Variants in DOCK7 observed in about 807,000 individuals in gnomAD.
DOCK7 encodes the protein dedicator of cytokinesis protein 7.
In DOCK7, 138 loss-of-function variants were observed where a neutral mutation model predicts 271.0. The observed-to-expected ratio is 0.51, with a 90% CI of 0.44 to 0.59. DOCK7 has a LOEUF of 0.59. DOCK7 is among the 20% of genes least tolerant of loss of function. DOCK7 has a pLI of 0.00. For synonymous variants in DOCK7, 823 were observed against 876.1 expected, an observed-to-expected ratio of 0.94 and a Z score of 1.07; for missense variants, 2,066 against 2,592.4, an observed-to-expected ratio of 0.80 and a Z score of 4.41.
At chr1:62,655,588 C>T (rs1657921589) in intron 2 of DOCK7, among the ~76,000 whole-genome samples, 1 of 152,190 alleles carries the variant, frequency 6.6e-6, no homozygotes, top group South Asian at 2.1e-4. Flanking sequence ...CCATGCCTCA[C>T]TAATTTTTGT....
At chr1:62,568,703 A>T (rs1393881360) in intron 18 of DOCK7, among the ~76,000 whole-genome samples, 2 of 151,366 alleles carry the variant, frequency 1.3e-5, no homozygotes, top group Non-Finnish European at 2.9e-5. Context: ...CAACAACAAA[A>T]AACCCAAAGC....
Position 62,578,859 on chromosome 1 carries a change from TTTTG to T in DOCK7, c.1975_1978del (p.Gln659IlefsTer21). 6.2e-7 allele frequency: 1 copy of T among 1,607,674 alleles called. No individual in the cohort carries two copies. Among genetic ancestry groups the T allele is most frequent in the Non-Finnish European group, 8.5e-7 (1 of 1,178,012 alleles). ...TCCAACTGGTGTTTCAAGAGGAGTA[TTTTG>T]TTTTTGTTGACAACTAACATGATAA... On this transcript the variant is annotated frameshift_variant, in exon 17 of 50. Transcript: ENST00000635253. LOFTEE classifies it high-confidence loss of function.
chr1:62,499,252 G>A (rs1646710581), intron 37 of DOCK7, among the ~76,000 whole-genome samples: 1 of 152,160 alleles, frequency 6.6e-6, no homozygotes, highest in South Asian at 2.1e-4. Context: ...AACAAAGTAA[G>A]ATCAATAAAG....
At chr1:62,678,578 A>G (rs1282625842) in intron 1 of DOCK7, among the ~76,000 whole-genome samples, 1 of 152,190 alleles carries the variant, frequency 6.6e-6, no homozygotes. Context: ...CCCCTGAATT[A>G]ACATATAGAT....
intron 22 of DOCK7, among the ~76,000 whole-genome samples, 192 bp from the exon 23 acceptor site, chr1:62,545,231 A>T (rs898500581): frequency 9.9e-5 from 15 of 152,182 alleles, no homozygotes; most frequent in South Asian, 8.3e-4. Flanking sequence ...ACACAATTTT[A>T]AAAAAAATCA....
intron 7 of DOCK7, among the ~76,000 whole-genome samples, chr1:62,640,279 C>CGAG (rs772386365): frequency 2.2e-4 from 34 of 152,056 alleles, no homozygotes; most frequent in Middle Eastern, 3.4e-3. Flanking sequence ...TTTGGGAGGC[C>CGAG]GAGGCAGGTG....
rs1456708562 is a variant in DOCK7, at chr1:62,581,137, T to C, written c.1871+2047A>G. The stretch of plus-strand genomic sequence containing the variant: ...GGGTTATGTGCTTCAAAAACAGAGC[T>C]GAACAGATTACTTCAAGTTTGAGAT... On this transcript the variant is annotated intron_variant, in intron 16 of 49. Transcript: ENST00000635253. 3.3e-5 allele frequency among the ~76,000 whole-genome samples: 5 copies of C among 152,166 alleles called. No homozygotes were observed. The East Asian group carries it at 9.6e-4, about 29-fold the overall frequency.
At chr1:62,527,978 T>G (rs1260539770) in intron 31 of DOCK7, among the ~76,000 whole-genome samples, 173 bp downstream of exon 31, 1 of 152,190 alleles carries the variant, frequency 6.6e-6, no homozygotes, top group African/African-American at 2.4e-5. Flanking sequence ...GGTAATCATT[T>G]TTTAAAACTG....
chr1:62,579,242 G>T (rs1231807243), intron 16 of DOCK7, among the ~76,000 whole-genome samples: 1 of 152,078 alleles, frequency 6.6e-6, no homozygotes, highest in Non-Finnish European at 1.5e-5. Flanking sequence ...TTGATCCTGA[G>T]ATCTCCATTA....
chr1:62,520,148 C>A (rs1644802712), intron 31 of DOCK7, among the ~76,000 whole-genome samples: 1 of 152,242 alleles, frequency 6.6e-6, no homozygotes, highest in Admixed American at 6.5e-5. Context: ...CATAAAAACC[C>A]TTGAAGAAAA....
chr1:62,528,818 A>G (rs537162042), intron 30 of DOCK7, among the ~76,000 whole-genome samples: 1 of 152,352 alleles, frequency 6.6e-6, no homozygotes, highest in African/African-American at 2.4e-5. Flanking sequence ...CAAGAGCAAT[A>G]AAACTCTGTA....
At chr1:62,477,877 T>C in intron 43 of DOCK7, 52 bp from the exon 44 acceptor site, 1 of 1,513,998 alleles carries the variant, frequency 6.6e-7, no homozygotes, top group East Asian at 2.4e-5. Context: ...GAAATCTTCC[T>C]GTTTTTCACA....
chr1:62,602,485 C>T lies in DOCK7; in HGVS notation c.1683-15861G>A. 3 of 914,306 alleles carry T rather than the reference C, an allele frequency of 3.3e-6. No individual in the cohort carries two copies. In the South Asian group the frequency reaches 4.0e-5, roughly 12 times the overall value. The allele number at this position is 914,306 out of a possible 1,614,324, so 56.6% of individuals were successfully genotyped here. A position where few individuals can be genotyped will look rare whatever the true frequency, so the allele number is the denominator to read the frequency against. On this transcript the variant is annotated intron_variant, in intron 14 of 49. Coordinates refer to ENST00000635253, the MANE Select transcript of DOCK7 (RefSeq NM_001367561.1). ...AGGAAAAGTAGTAACGAACGAGAAG[C>T]AGTCTCAGCCTTCATATAATTTATT...
At chr1:62,491,359 G>A (rs10889333) in intron 41 of DOCK7, among the ~76,000 whole-genome samples, 49,597 of 152,136 alleles carry the variant, frequency 0.33, 8,213 homozygotes, top group South Asian at 0.42. Flanking sequence ...AAACCTCGGT[G>A]CTGGTACACT....
At chr1:62,523,706 A>G (rs984865193) in intron 31 of DOCK7, among the ~76,000 whole-genome samples, 1 of 152,074 alleles carries the variant, frequency 6.6e-6, no homozygotes, top group Non-Finnish European at 1.5e-5. Context: ...ATCTCTACTA[A>G]AATACAAAAA....
chr1:62,617,209 T>C (rs903274227), intron 14 of DOCK7, among the ~76,000 whole-genome samples: 1 of 151,458 alleles, frequency 6.6e-6, no homozygotes, highest in African/African-American at 2.4e-5. Context: ...AGGGAGGAAA[T>C]AATTGATTGT....
intron 10 of DOCK7, among the ~76,000 whole-genome samples, chr1:62,633,097 A>G (rs1321822691): frequency 4.2e-4 from 64 of 152,304 alleles, no homozygotes; most frequent in Non-Finnish European, 4.4e-5. Context: ...GATGGAAGAC[A>G]AGAATACTTC....
chr1:62,628,899 C>T (rs1156917883), intron 11 of DOCK7: 1 of 152,166 alleles, frequency 6.6e-6, no homozygotes, highest in Non-Finnish European at 1.5e-5. Context: ...AATAAAAAGA[C>T]CAAAGCCATT....
Position 62,638,555 on chromosome 1 carries a change from AT to A in DOCK7, c.819-1953del, listed in dbSNP as rs529182076. ...AATATATATTTTCATGAATATATATATTTTTTCATGAATATATATTTTCATG... is the reference window on the plus strand; with the variant it reads ...AATATATATTTTCATGAATATATATATTTTTCATGAATATATATTTTCATG... On this transcript the variant is annotated intron_variant, in intron 7 of 49. Coordinates refer to ENST00000635253, the MANE Select transcript of DOCK7 (RefSeq NM_001367561.1). Among the ~76,000 whole-genome samples the A allele has an allele frequency of 8.3e-3, 1,230 of 147,648 alleles. 5 individuals carry two copies. The highest frequency in any genetic ancestry group is 0.011 in the Non-Finnish European group (707 of 66,984).
Sources: allele counts gnomAD v4.1 joint callset (sites outside exome capture counted in the v4.1 genomes callset), GRCh38; gene constraint gnomAD v4.1.1; transcripts MANE v1.5; gene names NCBI Gene and HGNC (gene_info 2026-07-23, HGNC 2026-07-21).